The following ABHD12 variants were observed in gnomAD, a reference collection of about 807,000 sequenced individuals.
ABHD12 encodes lysophosphatidylserine lipase ABHD12.
A neutral mutation model predicts 58.3 loss-of-function variants in ABHD12; 43 were observed. That is an observed-to-expected ratio of 0.74 (90% CI 0.58 to 0.95). ABHD12 has a LOEUF of 0.95. Among genes scored for constraint, ABHD12 ranks in the 40% least tolerant of loss-of-function variants. The probability of loss-of-function intolerance (pLI) is 0.00; values close to 1 mark genes in which losing one functional copy is unlikely to be tolerated. For missense variants in ABHD12, 539 were observed against 537.2 expected (o/e 1.00, Z -0.03); for synonymous variants, 219 against 211.2 (o/e 1.04, Z -0.32).
chr20:25,317,435 C>T (rs2088983233), intron 4 of ABHD12, among the ~76,000 whole-genome samples: 1 of 152,218 alleles, frequency 6.6e-6, no homozygotes, highest in Non-Finnish European at 1.5e-5. Context: ...AGAGGCTGTG[C>T]TCCAACAGGA....
In ABHD12 at chr20:25,385,838, C is replaced by T. The variant is rs113158451; in HGVS notation, c.191+4675G>A. 6.6e-3 allele frequency among the ~76,000 whole-genome samples: 997 copies of T among 152,208 alleles called. 16 individuals carry two copies. The highest frequency in any genetic ancestry group is 0.023 in the African/African-American group (955 of 41,526). On this transcript the variant is annotated intron_variant, in intron 1 of 12. Transcript: ENST00000339157. ...AAATGGCCGGGTGCGGTGGCTGACA[C>T]CTGTAATCCCAGCACTTTCGGAGTC...
chr20:25,320,128 C>G (rs1359236151), intron 4 of ABHD12, 71 bp downstream of exon 4: 4 of 1,600,116 alleles, frequency 2.5e-6, no homozygotes, highest in East Asian at 2.2e-5. Context: ...TCCGGCAGAC[C>G]GGGCCAGGAC....
rs6115165 is a variant in ABHD12 at position 25,383,967 on chromosome 20, A to G, written c.191+6546T>C. 6.5e-3 allele frequency among the ~76,000 whole-genome samples: 853 copies of G among 132,196 alleles called. 17 individuals carry two copies. The highest frequency in any genetic ancestry group is 0.024 in the African/African-American group (811 of 33,522). 86.7% of individuals were successfully genotyped at this position (132,196 alleles called of 152,430 possible). On this transcript the variant is annotated intron_variant, in intron 1 of 12. Coordinates refer to ENST00000339157, the MANE Select transcript of ABHD12 (RefSeq NM_001042472.3). ...GAGACTCTTTCTCAAAAAAAAAAAA[A>G]AAAAAAAGAAAAAAAAGAAAAAAAA...
At chr20:25,305,652 C>T (rs139980066) in intron 10 of ABHD12, among the ~76,000 whole-genome samples, 1,765 of 152,086 alleles carry the variant, frequency 0.012, 31 homozygotes, top group African/African-American at 0.036. Context: ...TGAGCCACCA[C>T]GCCCAGCCTA....
chr20:25,299,478 G>A (rs888240877), downstream of ABHD12, among the ~76,000 whole-genome samples: 2 of 151,456 alleles, frequency 1.3e-5, no homozygotes, highest in Non-Finnish European at 2.9e-5. Context: ...AGTATCCCAA[G>A]TAGCTTACAT....
downstream of ABHD12, among the ~76,000 whole-genome samples, chr20:25,299,966 G>A (rs903655816): frequency 4.6e-5 from 7 of 152,160 alleles, no homozygotes; most frequent in East Asian, 9.7e-4. Flanking sequence ...GAGTGTAACC[G>A]CGAGGACCTC....
At chr20:25,308,622 G>C in intron 7 of ABHD12, 128 bp from the exon 8 acceptor site, 1 of 1,177,076 alleles carries the variant, frequency 8.5e-7, no homozygotes, top group South Asian at 1.3e-5. Context: ...AGGACAGAGT[G>C]GGGGAAATGG....
In ABHD12 at chr20:25,338,756, T is replaced by A. The variant is rs546708579; in HGVS notation, c.316+471A>T. The A allele has an allele frequency of 1.8e-4, 174 of 986,542 alleles. No homozygotes were observed. The African/African-American group carries it at 2.7e-3, about 16-fold the overall frequency. 61.1% of individuals were successfully genotyped at this position (986,542 alleles called of 1,614,324 possible). ...AAAGAAAAAAGGCCTCATTTTTTTT[T>A]AAAGGTACTATATTTTTCAGTGGTC... is the stretch of plus-strand genomic sequence containing the variant. On this transcript the variant is annotated intron_variant, in intron 2 of 12. Coordinates refer to ENST00000339157, the MANE Select transcript of ABHD12 (RefSeq NM_001042472.3).
chr20:25,352,490 A>G (rs1267900209), intron 1 of ABHD12, among the ~76,000 whole-genome samples: 2 of 151,892 alleles, frequency 1.3e-5, no homozygotes, highest in African/African-American at 2.4e-5. Context: ...GGGTTTCACC[A>G]TGTTGGCCAG....
chr20:25,360,252 T>TTTTTTTTTTTTTG (rs2089728162), intron 1 of ABHD12, among the ~76,000 whole-genome samples: 1 of 126,846 alleles, frequency 7.9e-6, no homozygotes, highest in Non-Finnish European at 1.7e-5. Flanking sequence ...TTTTTTTTTT[T>TTTTTTTTTTTTTG]TTTTTTGAGA....
At chr20:25,372,288 G>T (rs1273929347) in intron 1 of ABHD12, among the ~76,000 whole-genome samples, 1 of 151,818 alleles carries the variant, frequency 6.6e-6, no homozygotes, top group Non-Finnish European at 1.5e-5. Context: ...CCACCTCCTG[G>T]CCTTAAGTGA....
intron 7 of ABHD12, 90 bp downstream of exon 7, chr20:25,309,356 G>T: frequency 6.3e-7 from 1 of 1,588,488 alleles, no homozygotes; most frequent in Non-Finnish European, 8.6e-7. Flanking sequence ...CACAGGGTTT[G>T]CAGGGATGGT....
At chr20:25,301,873 G>A (rs577576794) in intron 12 of ABHD12, among the ~76,000 whole-genome samples, 133 of 152,370 alleles carry the variant, frequency 8.7e-4, no homozygotes, top group African/African-American at 3.0e-3. Flanking sequence ...TGTACGTCTT[G>A]AGAGGTGTGT....
chr20:25,351,000 C>T (rs974898117), intron 1 of ABHD12, among the ~76,000 whole-genome samples: 1 of 106,378 alleles, frequency 9.4e-6, no homozygotes, highest in Non-Finnish European at 2.0e-5. Flanking sequence ...CACACACACA[C>T]ACACACACAC....
intron 1 of ABHD12, among the ~76,000 whole-genome samples, chr20:25,386,294 T>G (rs558578617): frequency 8.9e-4 from 133 of 149,580 alleles, no homozygotes; most frequent in African/African-American, 3.2e-3. Context: ...AGTCTTGCTC[T>G]GTCGCCCAGG....
chr20:25,299,387 G>A (rs1314846311), downstream of ABHD12, among the ~76,000 whole-genome samples: 1 of 151,938 alleles, frequency 6.6e-6, no homozygotes, highest in South Asian at 2.1e-4. Context: ...GCAACAGAGT[G>A]AGACTGTCTC....
intron 3 of ABHD12, among the ~76,000 whole-genome samples, chr20:25,321,631 C>T (rs1435449629): frequency 6.6e-6 from 1 of 152,250 alleles, no homozygotes; most frequent in Non-Finnish European, 1.5e-5. Context: ...TTTCTGGTAG[C>T]TGATAATGTA....
chr20:25,377,937 C>T (rs945334517), intron 1 of ABHD12, among the ~76,000 whole-genome samples: 11 of 152,090 alleles, frequency 7.2e-5, no homozygotes, highest in African/African-American at 2.4e-4. Context: ...ATCTCGTGTT[C>T]CGCCCACCTC....
intron 11 of ABHD12, 118 bp downstream of exon 11, chr20:25,303,432 A>G: frequency 2.0e-6 from 3 of 1,535,668 alleles, no homozygotes; most frequent in Non-Finnish European, 1.7e-6. Flanking sequence ...GCTGGTGCGC[A>G]GCCCGTGATG....
Sources: allele counts gnomAD v4.1 joint callset (sites outside exome capture counted in the v4.1 genomes callset), GRCh38; gene constraint gnomAD v4.1.1; transcripts MANE v1.5; gene names NCBI Gene and HGNC (gene_info 2026-07-23, HGNC 2026-07-21).